The following LCORL variants were observed in gnomAD, a reference collection of about 807,000 sequenced individuals.
LCORL encodes the protein ligand-dependent nuclear receptor corepressor-like protein.
Under a neutral mutation model 141.8 loss-of-function variants are expected in LCORL, and 41 were observed. That is an observed-to-expected ratio of 0.29 (90% CI 0.23 to 0.38). The LOEUF (loss-of-function observed/expected upper bound fraction) is 0.38. Ranked by LOEUF, LCORL falls within the 10% of genes least tolerant of loss-of-function variation. The pLI is 1.00. For missense variants in LCORL, 1,759 were observed against 2,035.0 expected (o/e 0.86, Z 2.61); for synonymous variants, 618 against 694.1 (o/e 0.89, Z 1.72).
chr4:18,001,205 T>A (rs183898220), intron 1 of LCORL, among the ~76,000 whole-genome samples: 1 of 152,146 alleles, frequency 6.6e-6, no homozygotes, highest in African/African-American at 2.4e-5. Flanking sequence ...AAGGATTCAG[T>A]GTATGCTAAA....
chr4:17,883,673 A>AACACACACACACGCAAAC, intron 6 of LCORL: 3 of 1,315,906 alleles, frequency 2.3e-6, no homozygotes, highest in Non-Finnish European at 3.0e-6. Flanking sequence ...CACACACGCA[A>AACACACACACACGCAAAC]ACACACACAC....
intron 4 of LCORL, among the ~76,000 whole-genome samples, chr4:17,945,649 T>C (rs1738755804): frequency 6.6e-6 from 1 of 152,030 alleles, no homozygotes; most frequent in East Asian, 1.9e-4. Context: ...ATTTAGTATG[T>C]TGGGCTATCT....
chr4:18,017,032 G>A (rs987429859), intron 1 of LCORL, among the ~76,000 whole-genome samples: 1 of 152,232 alleles, frequency 6.6e-6, no homozygotes, highest in Non-Finnish European at 1.5e-5. Flanking sequence ...AGCTTGGACA[G>A]ATAAAATACA....
chr4:17,994,994 A>G (rs1422538430), intron 1 of LCORL, among the ~76,000 whole-genome samples: 1 of 152,134 alleles, frequency 6.6e-6, no homozygotes. Flanking sequence ...AACAACTTTT[A>G]GAATACAGCC....
intron 1 of LCORL, among the ~76,000 whole-genome samples, chr4:17,980,648 C>T (rs913988666): frequency 8.5e-5 from 13 of 152,184 alleles, no homozygotes; most frequent in African/African-American, 3.1e-4. Flanking sequence ...AAATCCAGCA[C>T]TTTTCATTGT....
At chr4:17,859,107 C>G (rs1294995967) in intron 7 of LCORL, among the ~76,000 whole-genome samples, 1 of 152,114 alleles carries the variant, frequency 6.6e-6, no homozygotes, top group African/African-American at 2.4e-5. Context: ...GCTTTGAGTA[C>G]CCATACAACC....
chr4:17,917,480 A>G (rs953651729), intron 4 of LCORL, among the ~76,000 whole-genome samples: 1 of 152,390 alleles, frequency 6.6e-6, no homozygotes, highest in Admixed American at 6.5e-5. Context: ...GGCATGAGCC[A>G]CTGCGCCAGC....
At position 18,021,313 on chromosome 4, in the gene LCORL, A is replaced by AGAGC. The variant is rs1172637753; in HGVS notation, c.154+281_154+284dup. ...ACGGGCGCCGAGGAGTTTCGGGGAG[A>AGAGC]GAGCGAGCGGGCGGCTTCCGCGGGG... On this transcript the variant is annotated intron_variant, in intron 1 of 7. Coordinates refer to ENST00000635767, the Ensembl canonical transcript of LCORL. The surrounding 1 kb of genome is among the most constrained non-coding windows in gnomAD (Gnocchi z 5.5). Among the ~76,000 whole-genome samples, 1 of 151,944 alleles carries AGAGC rather than the reference A, an allele frequency of 6.6e-6. No homozygotes were observed. Among genetic ancestry groups the AGAGC allele is most frequent in the Non-Finnish European group, 1.5e-5 (1 of 67,970 alleles).
At chr4:17,959,150 C>T (rs999629057) in intron 4 of LCORL, among the ~76,000 whole-genome samples, 5 of 151,930 alleles carry the variant, frequency 3.3e-5, no homozygotes, top group Admixed American at 6.6e-5. Context: ...TATTATTAAG[C>T]ACTATAAGGG....
intron 4 of LCORL, among the ~76,000 whole-genome samples, chr4:17,934,599 C>A (rs1736556085): frequency 6.6e-6 from 1 of 152,184 alleles, no homozygotes; most frequent in South Asian, 2.1e-4. Context: ...GTAATTGATG[C>A]TCTGAGAAAG....
intron 2 of LCORL, among the ~76,000 whole-genome samples, chr4:17,966,678 A>C (rs1714950840): frequency 6.6e-6 from 1 of 152,144 alleles, no homozygotes; most frequent in African/African-American, 2.4e-5. Context: ...AGTGGCAACC[A>C]AGCATATGAA....
Position 17,882,025 on chromosome 4 carries a change from T to C in LCORL, c.777-3812A>G, listed in dbSNP as rs1174363778. 6.1e-6 allele frequency: 6 copies of C among 982,600 alleles called. No homozygotes were observed. In the East Asian group the frequency reaches 5.7e-4, roughly 93 times the overall value. 60.9% of individuals were successfully genotyped at this position (982,600 alleles called of 1,614,324 possible). On this transcript the variant is annotated intron_variant, in intron 6 of 7. Coordinates refer to ENST00000635767, the Ensembl canonical transcript of LCORL. ...TTCATACCCTAGTGTGCAGGTAACA[T>C]TAATAGCTGAAGAGGGTTAAGTATA...
intron 4 of LCORL, among the ~76,000 whole-genome samples, chr4:17,933,652 C>G (rs543607435): frequency 6.6e-6 from 1 of 152,098 alleles, no homozygotes; most frequent in South Asian, 2.1e-4. Flanking sequence ...TTATGATGTA[C>G]TATTCTTCTG....
chr4:17,971,013 A>G (rs1213146472), intron 2 of LCORL, among the ~76,000 whole-genome samples: 3 of 152,144 alleles, frequency 2.0e-5, no homozygotes, highest in African/African-American at 7.2e-5. Flanking sequence ...AAAAATAGAT[A>G]ACGCTCTAAG....
chr4:17,960,849 A>G (rs767800690), intron 4 of LCORL, among the ~76,000 whole-genome samples: 2 of 151,958 alleles, frequency 1.3e-5, no homozygotes, highest in African/African-American at 2.4e-5. Flanking sequence ...AAAGGAAAAG[A>G]TTTTCAGTCT....
At chr4:17,851,562 T>C (rs1266855954) in intron 7 of LCORL, among the ~76,000 whole-genome samples, 3 of 152,232 alleles carry the variant, frequency 2.0e-5, no homozygotes, top group Admixed American at 6.5e-5. Flanking sequence ...AGAATTCTAC[T>C]TTATGGATAA....
At chr4:17,878,573 A>C (rs1727162805) in intron 6 of LCORL, among the ~76,000 whole-genome samples, 1 of 151,406 alleles carries the variant, frequency 6.6e-6, no homozygotes, top group African/African-American at 2.4e-5. Context: ...AATTATTCTG[A>C]TACATAATTA....
intron 1 of LCORL, among the ~76,000 whole-genome samples, chr4:18,008,182 G>GC (rs1260149605): frequency 6.6e-6 from 1 of 152,126 alleles, no homozygotes; most frequent in Non-Finnish European, 1.5e-5. Flanking sequence ...ACTTAACACT[G>GC]CAAGTCTGTG....
chr4:17,995,829 T>C (rs1384486069), intron 1 of LCORL, among the ~76,000 whole-genome samples: 1 of 152,112 alleles, frequency 6.6e-6, no homozygotes, highest in African/African-American at 2.4e-5. Context: ...GTAATGAATA[T>C]GGAGTGAAGA....
Sources: allele counts gnomAD v4.1 joint callset (sites outside exome capture counted in the v4.1 genomes callset), GRCh38; gene constraint gnomAD v4.1.1; non-coding constraint Gnocchi (gnomAD v3.1); transcripts MANE v1.5; gene names NCBI Gene and HGNC (gene_info 2026-07-23, HGNC 2026-07-21).